The following SAMD12 variants were observed in gnomAD, a reference collection of about 807,000 sequenced individuals.
SAMD12 encodes the protein sterile alpha motif domain-containing protein 12.
SAMD12 carries 9 observed loss-of-function variants against 15.0 expected under a neutral mutation model. The observed-to-expected ratio is 0.60, with a 90% CI of 0.36 to 1.05. SAMD12 has a LOEUF of 1.05. Among genes scored for constraint, SAMD12 ranks in the 50% least tolerant of loss-of-function variants. SAMD12 has a pLI of 0.01. For synonymous variants in SAMD12, 86 were observed against 90.1 expected (o/e 0.96, Z 0.25); for missense variants, 230 against 234.2 (o/e 0.98, Z 0.12).
the SAMD12 span, among the ~76,000 whole-genome samples, chr8:118,178,376 T>C: frequency 6.6e-6 from 1 of 152,214 alleles, no homozygotes; most frequent in South Asian, 2.1e-4. Context: ...AGGAATTATA[T>C]ACTAAGTTTT....
chr8:118,317,577 C>G lies in SAMD12; in HGVS notation c.433+61983G>C, dbSNP rs539505176. 1.9e-4 allele frequency among the ~76,000 whole-genome samples: 29 copies of G among 152,248 alleles called. No homozygotes were observed. The South Asian group carries it at 6.0e-3, about 32-fold the overall frequency. ...TAAAGTATAAAAACAGTTGAAGCTA[C>G]TCTTTACTATTAGAATTTGGCATTT... On this transcript the variant is annotated intron_variant, in intron 4 of 4. Transcript: ENST00000409003.
intron 4 of SAMD12, among the ~76,000 whole-genome samples, chr8:118,369,646 C>T (rs923802459): frequency 9.2e-5 from 14 of 151,786 alleles, no homozygotes; most frequent in East Asian, 5.8e-4. Context: ...ACCTAGGAGG[C>T]GGAGGTTGCA....
intron 4 of SAMD12, among the ~76,000 whole-genome samples, chr8:118,211,020 G>A (rs1811807287): frequency 6.6e-6 from 1 of 152,156 alleles, no homozygotes; most frequent in South Asian, 2.1e-4. Context: ...AGTCTAATGA[G>A]AGATTCGCAC....
At chr8:118,465,696 A>T (rs989400248) in intron 2 of SAMD12, among the ~76,000 whole-genome samples, 3 of 151,944 alleles carry the variant, frequency 2.0e-5, no homozygotes, top group African/African-American at 7.3e-5. Flanking sequence ...GTTTTTTTTT[A>T]AATTATGGCA....
chr8:118,253,133 T>C (rs1812857264), intron 4 of SAMD12, among the ~76,000 whole-genome samples: 1 of 152,190 alleles, frequency 6.6e-6, no homozygotes, highest in Non-Finnish European at 1.5e-5. Flanking sequence ...GGATATTTCT[T>C]CATGAGCCAG....
At chr8:118,552,898 G>T (rs1021404366) in intron 2 of SAMD12, among the ~76,000 whole-genome samples, 2 of 151,660 alleles carry the variant, frequency 1.3e-5, no homozygotes, top group Non-Finnish European at 2.9e-5. Flanking sequence ...CAGACAAACA[G>T]AGAGCCAAAT....
chr8:118,437,883 C>T (rs1169601612), intron 3 of SAMD12, among the ~76,000 whole-genome samples: 1 of 152,138 alleles, frequency 6.6e-6, no homozygotes, highest in African/African-American at 2.4e-5. Context: ...AAATGCTTAT[C>T]CTTCCCTCAA....
intron 4 of SAMD12, among the ~76,000 whole-genome samples, chr8:118,233,957 G>T (rs1473027192): frequency 6.6e-6 from 1 of 152,174 alleles, no homozygotes; most frequent in Non-Finnish European, 1.5e-5. Context: ...GAGTAGAACT[G>T]GTTCCCACAG....
chr8:118,305,573 T>C (rs1175223657), intron 4 of SAMD12, among the ~76,000 whole-genome samples: 4 of 152,230 alleles, frequency 2.6e-5, no homozygotes, highest in Non-Finnish European at 4.4e-5. Flanking sequence ...CTATTGTGAA[T>C]AATGCTGCTG....
At chr8:118,202,783 G>T (rs1055294115) in intron 4 of SAMD12, among the ~76,000 whole-genome samples, 1 of 152,178 alleles carries the variant, frequency 6.6e-6, no homozygotes, top group South Asian at 2.1e-4. Flanking sequence ...CAAGGCCTTT[G>T]GGGGTGTATC....
At chr8:118,135,891 T>C in the SAMD12 span, among the ~76,000 whole-genome samples, 9 of 152,238 alleles carry the variant, frequency 5.9e-5, no homozygotes, top group South Asian at 1.9e-3. Context: ...CTTGGGTTCC[T>C]TGTGCTCCCA....
At chr8:118,293,838 G>C (rs1224693320) in intron 4 of SAMD12, among the ~76,000 whole-genome samples, 1 of 152,132 alleles carries the variant, frequency 6.6e-6, no homozygotes, top group Non-Finnish European at 1.5e-5. Flanking sequence ...TGGATAAGAT[G>C]TGGCAGGAAG....
At chr8:118,288,177 A>C (rs1174708259) in intron 4 of SAMD12, 6 of 152,138 alleles carry the variant, frequency 3.9e-5, no homozygotes. Context: ...GATTTTGTAG[A>C]TATTATCTTT....
At chr8:118,146,339 A>G in the SAMD12 span, among the ~76,000 whole-genome samples, 1 of 152,188 alleles carries the variant, frequency 6.6e-6, no homozygotes, top group Non-Finnish European at 1.5e-5. Flanking sequence ...AGCAAGAGAC[A>G]AAGCTGGAGA....
Position 118,603,459 on chromosome 8 carries a change from T to C in SAMD12, c.13+18345A>G, listed in dbSNP as rs1453166211. Among the ~76,000 whole-genome samples the C allele has an allele frequency of 5.9e-5, 9 of 152,180 alleles. No homozygotes were observed. The South Asian group carries it at 1.9e-3, about 32-fold the overall frequency. ...AAAAACATGACTGGAAACTAGAATA[T>C]ATTAGACACTTCAAAATTGTGGGGA... On this transcript the variant is annotated intron_variant, in intron 1 of 3. Coordinates refer to ENST00000314727, the MANE Select transcript of SAMD12 (RefSeq NM_207506.3).
In SAMD12 at chr8:118,478,351, G is replaced by A. The variant is rs73708331; in HGVS notation, c.193-38390C>T. Among the ~76,000 whole-genome samples the A allele has an allele frequency of 9.6e-3, 1,468 of 152,250 alleles. 15 individuals are homozygous for A. The highest frequency in any genetic ancestry group is 0.031 in the Middle Eastern group (9 of 294). On this transcript the variant is annotated intron_variant, in intron 2 of 3. Transcript: ENST00000314727. ...CTGAATTATCAGGCTTAACTGCAGA[G>A]CCCCTGACCACCCAAAGACAAAGAG... is the stretch of plus-strand genomic sequence containing the variant.
intron 4 of SAMD12, among the ~76,000 whole-genome samples, chr8:118,215,864 T>C (rs1346195193): frequency 2.0e-5 from 3 of 152,232 alleles, no homozygotes; most frequent in East Asian, 1.9e-4. Flanking sequence ...CAGTCTATCA[T>C]TGTTGGACAT....
At chr8:118,404,751 T>C (rs140540508) in intron 3 of SAMD12, among the ~76,000 whole-genome samples, 11 of 152,324 alleles carry the variant, frequency 7.2e-5, no homozygotes, top group African/African-American at 2.6e-4. Flanking sequence ...GAAAGGGTCA[T>C]CTGGGGATTT....
intron 4 of SAMD12, among the ~76,000 whole-genome samples, chr8:118,222,421 A>C (rs17485114): frequency 0.031 from 4,762 of 152,284 alleles, 221 homozygotes; most frequent in African/African-American, 0.098. Flanking sequence ...TCTAATTTAG[A>C]AAGTGGAGAT....
Sources: gnomAD v4.1 joint callset for allele counts (sites outside exome capture counted in the v4.1 genomes callset) on GRCh38, gnomAD v4.1.1 for gene constraint, MANE v1.5 for transcripts, NCBI Gene and HGNC (gene_info 2026-07-23, HGNC 2026-07-21) for gene names.